The following ERC2 variants were observed in gnomAD, a reference collection of about 807,000 sequenced individuals.
The protein encoded by ERC2 is ELKS/RAB6-interacting/CAST family member 2, also known as ERC protein 2.
In ERC2, 42 loss-of-function variants were observed where a neutral mutation model predicts 114.8. The ratio of observed to expected loss-of-function variants is 0.37; its 90% CI spans 0.29 to 0.47. ERC2 has a LOEUF of 0.47. ERC2 is among the 20% of genes least tolerant of loss of function. The pLI is 0.99. For missense variants in ERC2, 939 were observed against 1,150.7 expected (o/e 0.82, Z 2.66); for synonymous variants, 454 against 425.5 (o/e 1.07, Z -0.82).
intron 17 of ERC2, among the ~76,000 whole-genome samples, chr3:55,645,545 G>T (rs1393358720): frequency 6.6e-6 from 1 of 152,102 alleles, no homozygotes; most frequent in Non-Finnish European, 1.5e-5. Context: ...TCATCAGCTT[G>T]ATAAAGCCTT....
At chr3:55,663,329 C>CGGA (rs2061218923) in intron 17 of ERC2, among the ~76,000 whole-genome samples, 1 of 152,310 alleles carries the variant, frequency 6.6e-6, no homozygotes, top group East Asian at 1.9e-4. Context: ...GAAAGGGGCT[C>CGGA]GGAGGAGGAG....
chr3:55,555,743 G>A (rs950154216), intron 17 of ERC2, among the ~76,000 whole-genome samples: 13 of 152,196 alleles, frequency 8.5e-5, no homozygotes, highest in South Asian at 2.1e-4. Flanking sequence ...TGAAGCTGAC[G>A]GGCCAGGCAG....
At chr3:55,633,360 A>G (rs1326618964) in intron 17 of ERC2, among the ~76,000 whole-genome samples, 2 of 152,204 alleles carry the variant, frequency 1.3e-5, no homozygotes, top group African/African-American at 4.8e-5. Flanking sequence ...CTTTAAGAAC[A>G]CTAGGCAGTA....
chr3:56,010,716 A>T, intron 8 of ERC2, 127 bp from the exon 9 acceptor site: 2 of 1,120,120 alleles, frequency 1.8e-6, no homozygotes, highest in East Asian at 2.4e-5. Context: ...CACACAAGAA[A>T]ATCAAAATTG....
intron 17 of ERC2, among the ~76,000 whole-genome samples, chr3:55,630,158 CT>C (rs1315014912): frequency 6.6e-6 from 1 of 152,190 alleles, no homozygotes; most frequent in African/African-American, 2.4e-5. Context: ...AGACAAGACA[CT>C]TTTTGTTTTG....
chr3:56,117,754 C>T (rs1018200602), intron 6 of ERC2, among the ~76,000 whole-genome samples: 12 of 152,184 alleles, frequency 7.9e-5, no homozygotes, highest in African/African-American at 2.7e-4. Flanking sequence ...AAATCACATT[C>T]GATGAGCACC....
chr3:56,410,853 T>C (rs1450635664), intron 2 of ERC2, among the ~76,000 whole-genome samples: 7 of 152,096 alleles, frequency 4.6e-5, no homozygotes, highest in African/African-American at 1.7e-4. Context: ...TGAAAGTCTG[T>C]CTTCCACTAT....
At chr3:56,451,937 T>G (rs2062843188) in intron 1 of ERC2, among the ~76,000 whole-genome samples, 1 of 151,964 alleles carries the variant, frequency 6.6e-6, no homozygotes, top group African/African-American at 2.4e-5. Context: ...AGTGATAGAG[T>G]GTGGTCTCAG....
intron 17 of ERC2, among the ~76,000 whole-genome samples, chr3:55,649,404 G>A (rs2060522651): frequency 6.6e-6 from 1 of 151,868 alleles, no homozygotes; most frequent in Admixed American, 6.6e-5. Context: ...GGGACTACAG[G>A]CGCGCACCAC....
chr3:56,070,933 T>C (rs2076707555), intron 7 of ERC2, among the ~76,000 whole-genome samples: 1 of 152,260 alleles, frequency 6.6e-6, no homozygotes, highest in South Asian at 2.1e-4. Context: ...CCCTCATCTC[T>C]CAATTTAGCC....
chr3:56,428,540 AAAGGAAGG>A (rs1192897597), intron 2 of ERC2, among the ~76,000 whole-genome samples: 2 of 120,858 alleles, frequency 1.7e-5, no homozygotes, highest in African/African-American at 6.5e-5. Flanking sequence ...AAGAAGGCAG[AAAGGAAGG>A]AAGGAAGGGA....
At chr3:55,638,292 CT>C (rs1200261355) in intron 17 of ERC2, among the ~76,000 whole-genome samples, 2 of 152,218 alleles carry the variant, frequency 1.3e-5, no homozygotes, top group African/African-American at 4.8e-5. Flanking sequence ...ATTAATTAAG[CT>C]GTTAAAAGCA....
At chr3:56,247,538 T>C (rs1221716046) in intron 3 of ERC2, among the ~76,000 whole-genome samples, 1 of 152,254 alleles carries the variant, frequency 6.6e-6, no homozygotes, top group African/African-American at 2.4e-5. Flanking sequence ...GCCCAGTCCA[T>C]ACAAACTGGT....
intron 17 of ERC2, among the ~76,000 whole-genome samples, chr3:55,534,943 G>C (rs1270654786): frequency 1.3e-5 from 2 of 152,186 alleles, no homozygotes; most frequent in Non-Finnish European, 2.9e-5. Flanking sequence ...TAACGGTGAA[G>C]AGGCAGCATC....
At chr3:55,860,860 G>A (rs2061996933) in intron 14 of ERC2, among the ~76,000 whole-genome samples, 1 of 152,210 alleles carries the variant, frequency 6.6e-6, no homozygotes, top group Non-Finnish European at 1.5e-5. Flanking sequence ...GGAAGGGACT[G>A]AAGAGAGAGC....
At chr3:56,151,313 C>G (rs1021586541) in intron 4 of ERC2, among the ~76,000 whole-genome samples, 1 of 152,082 alleles carries the variant, frequency 6.6e-6, no homozygotes, top group Non-Finnish European at 1.5e-5. Flanking sequence ...GTGATCCACC[C>G]ACCTCAGCCT....
chr3:55,581,140 T>C (rs1360129243), intron 17 of ERC2, among the ~76,000 whole-genome samples: 1 of 152,170 alleles, frequency 6.6e-6, no homozygotes, highest in African/African-American at 2.4e-5. Flanking sequence ...GGTTGGCCCT[T>C]GAAGGAGTCA....
chr3:55,799,175 T>G (rs1474109987), intron 14 of ERC2, among the ~76,000 whole-genome samples: 2 of 151,900 alleles, frequency 1.3e-5, no homozygotes, highest in Non-Finnish European at 2.9e-5. Flanking sequence ...TGGCTCAATG[T>G]ATAAAGTGCT....
intron 14 of ERC2, among the ~76,000 whole-genome samples, chr3:55,760,413 T>A (rs1206370939): frequency 6.6e-6 from 1 of 152,228 alleles, no homozygotes; most frequent in African/African-American, 2.4e-5. Context: ...TCTTTGATAT[T>A]TGCTGCATAT....
Sources: allele counts gnomAD v4.1 joint callset (sites outside exome capture counted in the v4.1 genomes callset), GRCh38; gene constraint gnomAD v4.1.1; transcripts MANE v1.5; gene names NCBI Gene and HGNC (gene_info 2026-07-23, HGNC 2026-07-21).